ZNF44: variants seen among roughly 807,000 people sequenced by gnomAD.
ZNF44 encodes the protein zinc finger protein 44, also known as gonadotropin inducible transcription repressor-2.
Under a neutral mutation model 11.7 loss-of-function variants are expected in ZNF44, and 9 were observed. The ratio of observed to expected loss-of-function variants is 0.77; its 90% confidence interval spans 0.46 to 1.35. The LOEUF is 1.35. Ranked by LOEUF, ZNF44 falls within the 40% of genes most tolerant of loss-of-function variation. The pLI, the probability that ZNF44 is intolerant of heterozygous loss-of-function variation, is 0.00. For synonymous variants in ZNF44, 224 were observed against 242.7 expected (o/e 0.92, Z 0.72); for missense variants, 696 against 743.1 (o/e 0.94, Z 0.74).
intron 1 of ZNF44, among the ~76,000 whole-genome samples, chr19:12,287,132 T>C (rs1019435943): frequency 1.3e-5 from 2 of 151,922 alleles, no homozygotes; most frequent in African/African-American, 2.4e-5. Flanking sequence ...TACATTGATA[T>C]ATTGCCTTGT....
chr19:12,273,677 C>T lies in ZNF44; in HGVS notation c.578G>A (p.Gly193Glu), dbSNP rs760042730. 10 of 1,614,076 alleles carry T rather than the reference C, an allele frequency of 6.2e-6. No homozygotes were observed. The highest frequency in any genetic ancestry group is 7.6e-6 in the Non-Finnish European group (9 of 1,180,034). ...NLRRHMVVKG[G>E]DGPYKCELCG... ...CAATTCACATTTATAAGGTCCATCT[C>T]CACCTTTTACTACCATATGTCTTCG... Residue 193 changes from glycine to glutamate, a missense_variant, in exon 4 of 4, where the codon GGA becomes GAA. Physicochemically the swap from Gly to Glu is moderately conservative, Grantham distance 98. Transcript: ENST00000355684.
chr19:12,289,110 G>A (rs1967893867), intron 1 of ZNF44, among the ~76,000 whole-genome samples: 1 of 151,790 alleles, frequency 6.6e-6, no homozygotes, highest in South Asian at 2.1e-4. Flanking sequence ...TTCAAGACCA[G>A]CCTGGGCAAC....
At chr19:12,263,322 G>A (rs1309776009) in intron 5 of ZNF44, among the ~76,000 whole-genome samples, 1 of 151,934 alleles carries the variant, frequency 6.6e-6, no homozygotes, top group Non-Finnish European at 1.5e-5. Flanking sequence ...CCGACCTCAG[G>A]TGATCCGCCC....
chr19:12,247,068 G>T (rs1210985494), downstream of ZNF44, among the ~76,000 whole-genome samples: 2 of 151,346 alleles, frequency 1.3e-5, no homozygotes, highest in Non-Finnish European at 2.9e-5. Context: ...TTAAAAACTA[G>T]GAAGAATCAA....
At chr19:12,224,923 G>A (rs1197163166), downstream of ZNF44, 1 of 152,160 alleles carries the variant, frequency 6.6e-6, no homozygotes, top group Admixed American at 6.6e-5. Context: ...GGGTTATCCC[G>A]AGGCTAGCAT....
intron 5 of ZNF44, among the ~76,000 whole-genome samples, chr19:12,264,077 ACCCTGTAT>A (rs1917631453): frequency 6.6e-6 from 1 of 152,160 alleles, no homozygotes; most frequent in Non-Finnish European, 1.5e-5. Flanking sequence ...ACAGAGTAAG[ACCCTGTAT>A]CAAACGAAAC....
chr19:12,273,157 T>C lies in ZNF44; in HGVS notation c.1098A>G (p.Glu366=). The C allele has an allele frequency of 1.2e-6, 2 of 1,613,882 alleles. No homozygotes were observed. Among genetic ancestry groups the C allele is most frequent in the Non-Finnish European group, 1.7e-6 (2 of 1,179,776 alleles). ...ATAACAATTTCCCACATTGCTTACA[T>C]TCATAGGGTTTCTCTAGAGTGTGAG... The part of the protein sequence containing the change: ...EGTHTLEKPY[E]CKQCGKLLSH... The change falls in exon 4 of 4, where the codon GAA becomes GAG. Residue 366 remains glutamate (E), a synonymous_variant. Coordinates refer to ENST00000355684, the MANE Select transcript of ZNF44 (RefSeq NM_016264.4).
intron 1 of ZNF44, among the ~76,000 whole-genome samples, chr19:12,289,852 C>T (rs1180371921): frequency 6.6e-6 from 1 of 151,824 alleles, no homozygotes; most frequent in Non-Finnish European, 1.5e-5. Context: ...AGGATGGTCA[C>T]GATCTCCGGA....
At chr19:12,239,877 G>C (rs1916552772), upstream of ZNF44, among the ~76,000 whole-genome samples, 1 of 151,826 alleles carries the variant, frequency 6.6e-6, no homozygotes, top group Admixed American at 6.6e-5. Context: ...CCAGCCCCAA[G>C]TTGCGTTTTT....
intron 1 of ZNF44, among the ~76,000 whole-genome samples, chr19:12,290,622 C>T (rs1373313955): frequency 2.0e-5 from 3 of 151,404 alleles, no homozygotes; most frequent in Admixed American, 2.0e-4. Context: ...ATCGCTTGAA[C>T]CCGGAAGGCA....
At chr19:12,277,676 G>A (rs903353486) in intron 1 of ZNF44, among the ~76,000 whole-genome samples, 2 of 152,054 alleles carry the variant, frequency 1.3e-5, no homozygotes, top group African/African-American at 4.8e-5. Flanking sequence ...TTTTTTCTTT[G>A]GCCCCATCTC....
intron 1 of ZNF44, chr19:12,276,307 T>G: frequency 1.6e-6 from 1 of 609,876 alleles, no homozygotes. Flanking sequence ...TATCTCTTAT[T>G]GGTGAATTAT....
chr19:12,276,618 T>C (rs1195255813), intron 1 of ZNF44, among the ~76,000 whole-genome samples: 1 of 152,180 alleles, frequency 6.6e-6, no homozygotes, highest in Non-Finnish European at 1.5e-5. Context: ...GAGTTTGGAA[T>C]TGTATTACAT....
downstream of ZNF44, among the ~76,000 whole-genome samples, chr19:12,269,750 A>G (rs1198327829): frequency 6.6e-6 from 1 of 152,164 alleles, no homozygotes; most frequent in Non-Finnish European, 1.5e-5. Flanking sequence ...GATTTTCCCA[A>G]ATTACTTACA....
intron 5 of ZNF44, among the ~76,000 whole-genome samples, chr19:12,252,952 ATCT>A (rs1448661428): frequency 7.0e-5 from 10 of 142,422 alleles, no homozygotes; most frequent in Admixed American, 2.9e-4. Flanking sequence ...CACTGGCACA[ATCT>A]TGGCTCACTG....
At chr19:12,250,433 C>T (rs1410558272) in intron 5 of ZNF44, 9 of 1,243,136 alleles carry the variant, frequency 7.2e-6, no homozygotes, top group Admixed American at 2.8e-5. Context: ...CATCTATACT[C>T]GAGTCATAAG....
At chr19:12,290,427 G>T (rs1201673370) in intron 1 of ZNF44, among the ~76,000 whole-genome samples, 1 of 147,160 alleles carries the variant, frequency 6.8e-6, no homozygotes, top group Non-Finnish European at 1.5e-5. Context: ...CCCAGGCCAG[G>T]CACAGTGGTT....
intron 5 of ZNF44, chr19:12,260,144 T>C: frequency 1.3e-6 from 1 of 745,418 alleles, no homozygotes; most frequent in South Asian, 1.4e-5. Flanking sequence ...GCATCTGCAA[T>C]GGATGGTCGT....
downstream of ZNF44, among the ~76,000 whole-genome samples, chr19:12,270,676 T>G (rs1191078986): frequency 6.6e-6 from 1 of 152,128 alleles, no homozygotes; most frequent in African/African-American, 2.4e-5. Flanking sequence ...GGTATCAAAC[T>G]TTTGACCTCA....
Sources: allele counts gnomAD v4.1 joint callset (sites outside exome capture counted in the v4.1 genomes callset), GRCh38; gene constraint gnomAD v4.1.1; transcripts MANE v1.5; gene names NCBI Gene and HGNC (gene_info 2026-07-23, HGNC 2026-07-21).